Variants in CSGALNACT1 observed in about 807,000 individuals in gnomAD.
The protein encoded by CSGALNACT1 is chondroitin sulfate N-acetylgalactosaminyltransferase 1.
CSGALNACT1 carries 52 observed loss-of-function variants against 51.0 expected under a neutral mutation model. The observed-to-expected ratio is 1.02, with a 90% confidence interval of 0.82 to 1.29. The LOEUF is 1.29. Ranked by LOEUF, CSGALNACT1 falls within the 50% of genes most tolerant of loss-of-function variation. The pLI is 0.00. For synonymous variants in CSGALNACT1, 341 were observed against 254.4 expected (o/e 1.34, Z -3.24); for missense variants, 935 against 679.2 (o/e 1.38, Z -4.19).
At chr8:19,642,647 T>C (rs1217004121) in intron 1 of CSGALNACT1, among the ~76,000 whole-genome samples, 1 of 151,930 alleles carries the variant, frequency 6.6e-6, no homozygotes, top group Non-Finnish European at 1.5e-5. Context: ...CTGGGCATGG[T>C]GGCACACACA....
At chr8:19,670,908 G>C (rs186033154) in intron 1 of CSGALNACT1, among the ~76,000 whole-genome samples, 3 of 152,106 alleles carry the variant, frequency 2.0e-5, no homozygotes, top group African/African-American at 7.2e-5. Context: ...TGTGTGCTTG[G>C]CCTACTCCAC....
intron 1 of CSGALNACT1, among the ~76,000 whole-genome samples, chr8:19,704,320 A>G (rs2062039749): frequency 6.6e-6 from 1 of 152,242 alleles, no homozygotes; most frequent in African/African-American, 2.4e-5. Context: ...GAATTTTTCC[A>G]AAGTACCATT....
At chr8:19,666,845 GAA>G in intron 1 of CSGALNACT1, among the ~76,000 whole-genome samples, 6 of 94,608 alleles carry the variant, frequency 6.3e-5, no homozygotes, top group African/African-American at 4.3e-4. Context: ...AAGAAAGAAA[GAA>G]AGAAAGAAAG....
chr8:19,514,475 CTA>C (rs33928915), intron 3 of CSGALNACT1, among the ~76,000 whole-genome samples: 6,047 of 78,284 alleles, frequency 0.077, 323 homozygotes, highest in East Asian at 0.31. Context: ...TGAACAGAGA[CTA>C]TATATATATA....
At chr8:19,509,334 T>C (rs2077997544) in intron 3 of CSGALNACT1, among the ~76,000 whole-genome samples, 1 of 151,946 alleles carries the variant, frequency 6.6e-6, no homozygotes, top group African/African-American at 2.4e-5. Flanking sequence ...TAAAAGTGGG[T>C]GTTGGCCGGG....
rs532782845 is a variant in CSGALNACT1, at chr8:19,404,626, T to A, written c.*1154A>T. 1,110 of 333,894 alleles carry A rather than the reference T, an allele frequency of 3.3e-3. 9 individuals carry two copies. Among genetic ancestry groups the A allele is most frequent in the African/African-American group, 0.025 (951 of 37,962 alleles). The allele number at this position is 333,894 out of a possible 1,614,324, so 20.7% of individuals were successfully genotyped here. ...TTTCACAATATATATATATATATTT[T>A]TTTCTCCATTTCTTCTTATGGAAGC... On this transcript the variant is annotated 3_prime_UTR_variant, in exon 10 of 10. Transcript: ENST00000454498.
intron 1 of CSGALNACT1, among the ~76,000 whole-genome samples, chr8:19,681,400 G>A (rs750704421): frequency 3.9e-5 from 6 of 152,070 alleles, no homozygotes; most frequent in Non-Finnish European, 8.8e-5. Flanking sequence ...TGTCCTTCGC[G>A]CCCCCATCCC....
intron 3 of CSGALNACT1, among the ~76,000 whole-genome samples, chr8:19,507,730 C>G (rs939076622): frequency 6.6e-6 from 1 of 152,150 alleles, no homozygotes; most frequent in Non-Finnish European, 1.5e-5. Flanking sequence ...TGGGTTCAAG[C>G]GATTCCCCTG....
intron 4 of CSGALNACT1, among the ~76,000 whole-genome samples, chr8:19,481,258 G>T (rs2071307690): frequency 6.6e-6 from 1 of 151,986 alleles, no homozygotes; most frequent in South Asian, 2.1e-4. Flanking sequence ...TGTGCCCTGG[G>T]TGTCTGTCCT....
chr8:19,542,505 G>A (rs182053916), intron 3 of CSGALNACT1, among the ~76,000 whole-genome samples: 47 of 152,144 alleles, frequency 3.1e-4, no homozygotes, highest in African/African-American at 9.9e-4. Flanking sequence ...CTGCACAAGC[G>A]CCTGCTGCCC....
chr8:19,600,669 G>C (rs2050208997), intron 2 of CSGALNACT1, among the ~76,000 whole-genome samples: 1 of 151,860 alleles, frequency 6.6e-6, no homozygotes, highest in African/African-American at 2.4e-5. Context: ...TTTCAGCCAA[G>C]GTTTTTTTTA....
chr8:19,667,657 C>A (rs1421083783), intron 1 of CSGALNACT1, among the ~76,000 whole-genome samples: 1 of 151,384 alleles, frequency 6.6e-6, no homozygotes, highest in African/African-American at 2.4e-5. Flanking sequence ...ACTTGAAACC[C>A]TAAGACTAAC....
At chr8:19,687,741 G>C (rs1364939377) in intron 1 of CSGALNACT1, among the ~76,000 whole-genome samples, 1 of 152,142 alleles carries the variant, frequency 6.6e-6, no homozygotes, top group African/African-American at 2.4e-5. Context: ...TAAAGAAAAA[G>C]ACTACATAAA....
At chr8:19,725,056 T>C (rs947533644) in intron 1 of CSGALNACT1, among the ~76,000 whole-genome samples, 2 of 152,218 alleles carry the variant, frequency 1.3e-5, no homozygotes, top group South Asian at 2.1e-4. Context: ...CATGCCTCCA[T>C]CTACTCATCT....
At chr8:19,706,122 A>G (rs2062149853) in intron 1 of CSGALNACT1, among the ~76,000 whole-genome samples, 1 of 152,210 alleles carries the variant, frequency 6.6e-6, no homozygotes, top group Non-Finnish European at 1.5e-5. Context: ...GCCCTTACAA[A>G]GCAAATAGCA....
intron 1 of CSGALNACT1, among the ~76,000 whole-genome samples, chr8:19,635,051 A>G (rs757728921): frequency 9.2e-5 from 14 of 152,242 alleles, no homozygotes; most frequent in Non-Finnish European, 1.9e-4. Flanking sequence ...TAAGTACAGC[A>G]AATTTCTAAA....
intron 2 of CSGALNACT1, among the ~76,000 whole-genome samples, chr8:19,599,472 AAAAGAAAGAAAGAAAGAAAG>A (rs201098374): frequency 0.11 from 12,536 of 113,718 alleles, 716 homozygotes; most frequent in Non-Finnish European, 0.14. Context: ...GAAAGAAAGA[AAAAGAAAGAAAGAAAGAAAG>A]AAAGAAAGAA....
rs181764025 is a variant in CSGALNACT1 at position 19,459,848 on chromosome 8, G to A, written c.635-1206C>T. ...CCCCTTTCTCTGAGAAGGTAGAGAG[G>A]CAGGAGAGAAGTCTAGGGACCGTGC... On this transcript the variant is annotated intron_variant, in intron 4 of 9. Coordinates refer to ENST00000454498, the Ensembl canonical transcript of CSGALNACT1. 5.1e-3 allele frequency among the ~76,000 whole-genome samples: 775 copies of A among 152,260 alleles called. 6 individuals carry two copies. The highest frequency in any genetic ancestry group is 9.7e-3 in the Non-Finnish European group (657 of 68,006).
chr8:19,606,803 G>C (rs4922067), upstream of CSGALNACT1, among the ~76,000 whole-genome samples: 21,038 of 151,964 alleles, frequency 0.14, 1,732 homozygotes, highest in Non-Finnish European at 0.19. Context: ...CTTTAAAAAG[G>C]TACCAGTCCA....
Sources: gnomAD v4.1 joint callset for allele counts (sites outside exome capture counted in the v4.1 genomes callset) on GRCh38, gnomAD v4.1.1 for gene constraint, MANE v1.5 for transcripts, NCBI Gene and HGNC (gene_info 2026-07-23, HGNC 2026-07-21) for gene names.